USP46: variants seen among roughly 807,000 people sequenced by gnomAD.
USP46 encodes the protein ubiquitin carboxyl-terminal hydrolase 46.
In USP46, 12 loss-of-function variants were observed where a neutral mutation model predicts 44.4. The ratio of observed to expected loss-of-function variants is 0.27; its 90% confidence interval spans 0.17 to 0.44. USP46 has a LOEUF of 0.44. Ranked by LOEUF, USP46 falls within the 20% of genes least tolerant of loss-of-function variation. The probability of loss-of-function intolerance (pLI) is 1.00; values close to 1 mark genes in which losing one functional copy is unlikely to be tolerated. For missense variants in USP46, 248 were observed against 444.8 expected (o/e 0.56, Z 3.98); for synonymous variants, 155 against 161.5 (o/e 0.96, Z 0.31).
At chr4:52,658,971 C>T (rs1719065593) in intron 1 of USP46, 144 bp downstream of exon 1, 2 of 1,008,396 alleles carry the variant, frequency 2.0e-6, no homozygotes, top group Non-Finnish European at 2.6e-6. Context: ...CGGCCGCGCG[C>T]CCAGCTCGGG....
In USP46 at chr4:52,597,630, G is replaced by A; in HGVS notation, c.*10C>T. ...TCTCCCCACGTGAATCAGTCCCGCA[G>A]GTCTTTCAGTTACTCTCTTGACTGA... On this transcript the variant is annotated 3_prime_UTR_variant, in exon 9 of 9. Transcript: ENST00000441222. 1 of 1,547,870 alleles carries A rather than the reference G, an allele frequency of 6.5e-7. No individual in the cohort carries two copies. The highest frequency in any genetic ancestry group is 8.8e-7 in the Non-Finnish European group (1 of 1,136,016).
In USP46 at chr4:52,633,002, GAAA is replaced by G. The variant is rs1560406329; in HGVS notation, c.37-1861_37-1859del. 1.6e-3 allele frequency among the ~76,000 whole-genome samples: 187 copies of G among 117,056 alleles called. 3 individuals carry two copies. Among genetic ancestry groups the G allele is most frequent in the African/African-American group, 6.8e-3 (179 of 26,450 alleles). 76.8% of individuals were successfully genotyped at this position (117,056 alleles called of 152,430 possible). ...AAAGAAAGAAAAGAAAAGAAAGAAAGAAAGAAAGAAAGAAAGAAAGAAAGAAAA... is the reference window on the plus strand; with the variant it reads ...AAAGAAAGAAAAGAAAAGAAAGAAAGGAAAGAAAGAAAGAAAGAAAGAAAA... On this transcript the variant is annotated intron_variant, in intron 1 of 8. Coordinates refer to ENST00000441222, the MANE Select transcript of USP46 (RefSeq NM_022832.4).
intron 1 of USP46, among the ~76,000 whole-genome samples, chr4:52,637,780 T>C (rs867867594): frequency 6.6e-6 from 1 of 152,198 alleles, no homozygotes; most frequent in Non-Finnish European, 1.5e-5. Context: ...TGAATCTGCT[T>C]AAAATCCTCC....
chr4:52,613,447 G>T (rs1008142987), intron 4 of USP46, among the ~76,000 whole-genome samples: 1 of 152,118 alleles, frequency 6.6e-6, no homozygotes, highest in African/African-American at 2.4e-5. Flanking sequence ...AATCCGGCCG[G>T]GTGTGGTGAC....
intron 6 of USP46, among the ~76,000 whole-genome samples, chr4:52,602,803 G>T (rs1716529662): frequency 6.6e-6 from 1 of 152,124 alleles, no homozygotes; most frequent in Non-Finnish European, 1.5e-5. Flanking sequence ...CTGCAGTAAA[G>T]GAATTGTTCT....
At chr4:52,604,711 A>C (rs1408418116) in intron 5 of USP46, 127 bp from the exon 6 acceptor site, 16 of 642,266 alleles carry the variant, frequency 2.5e-5, no homozygotes, top group Non-Finnish European at 3.8e-5. Context: ...AATCAGAAAA[A>C]AATCCTACTT....
At chr4:52,645,525 G>A (rs1262286151) in intron 1 of USP46, among the ~76,000 whole-genome samples, 1 of 152,140 alleles carries the variant, frequency 6.6e-6, no homozygotes, top group Non-Finnish European at 1.5e-5. Flanking sequence ...GGAAGACAAG[G>A]AAATAGCCAC....
intron 1 of USP46, among the ~76,000 whole-genome samples, chr4:52,637,064 C>A (rs1483135959): frequency 6.6e-6 from 1 of 152,152 alleles, no homozygotes; most frequent in African/African-American, 2.4e-5. Context: ...CCCACCTTGG[C>A]CTCCCAAAGT....
chr4:52,634,745 A>G (rs1718048104), intron 1 of USP46, among the ~76,000 whole-genome samples: 1 of 151,970 alleles, frequency 6.6e-6, no homozygotes, highest in Admixed American at 6.6e-5. Flanking sequence ...CCTTTCTGAG[A>G]TCTATGCCTC....
intron 4 of USP46, among the ~76,000 whole-genome samples, chr4:52,613,240 C>T (rs2109611261): frequency 6.6e-6 from 1 of 152,226 alleles, no homozygotes; most frequent in Middle Eastern, 3.4e-3. Context: ...AGGGTATCTC[C>T]AACTCTCCCC....
intron 4 of USP46, among the ~76,000 whole-genome samples, chr4:52,616,320 TCTTTC>T (rs1002860618): frequency 3.9e-5 from 6 of 152,072 alleles, no homozygotes; most frequent in Admixed American, 2.6e-4. Context: ...CACTAAGAGA[TCTTTC>T]CTTTCCTTTC....
intron 7 of USP46, 76 bp downstream of exon 7, chr4:52,601,781 G>A (rs1716483212): frequency 1.4e-6 from 2 of 1,473,046 alleles, no homozygotes; most frequent in Non-Finnish European, 9.1e-7. Flanking sequence ...CCCAGGAAAG[G>A]TGCAGCTGGG....
intron 4 of USP46, among the ~76,000 whole-genome samples, chr4:52,612,072 G>A (rs1030715172): frequency 1.3e-5 from 2 of 152,182 alleles, no homozygotes; most frequent in African/African-American, 2.4e-5. Context: ...TTGTAAGGAG[G>A]AAATAAGATA....
At chr4:52,629,667 C>T (rs1461374540) in intron 2 of USP46, 2 of 456,172 alleles carry the variant, frequency 4.4e-6, no homozygotes, top group Admixed American at 4.7e-5. Flanking sequence ...ACGCTTGGCC[C>T]CAATTCAGTG....
intron 1 of USP46, among the ~76,000 whole-genome samples, chr4:52,658,596 T>C (rs1313016507): frequency 6.6e-6 from 1 of 152,210 alleles, no homozygotes; most frequent in Non-Finnish European, 1.5e-5. Context: ...AGCCACAATT[T>C]TGCACTTTTT....
chr4:52,656,428 T>TGGG, intron 1 of USP46: 1 of 145,914 alleles, frequency 6.9e-6, no homozygotes, highest in Non-Finnish European at 9.8e-6. Context: ...GGAGGGACAG[T>TGGG]GGGGGCGGTG....
chr4:52,642,505 G>A (rs1718385652), intron 1 of USP46, among the ~76,000 whole-genome samples: 1 of 152,178 alleles, frequency 6.6e-6, no homozygotes, highest in Non-Finnish European at 1.5e-5. Flanking sequence ...CCACAGAACT[G>A]AAAGAACTGA....
chr4:52,637,129 C>T (rs911933326), intron 1 of USP46, among the ~76,000 whole-genome samples: 3 of 152,194 alleles, frequency 2.0e-5, no homozygotes, highest in Admixed American at 2.0e-4. Context: ...AATCTTAAGA[C>T]TTGTCTCTAC....
intron 2 of USP46, chr4:52,629,493 C>A: frequency 4.8e-6 from 2 of 414,048 alleles, no homozygotes; most frequent in South Asian, 1.7e-5. Flanking sequence ...ACTCACTTCA[C>A]AGGGCTAAGC....
Sources: allele counts gnomAD v4.1 joint callset (sites outside exome capture counted in the v4.1 genomes callset), GRCh38; gene constraint gnomAD v4.1.1; transcripts MANE v1.5; gene names NCBI Gene and HGNC (gene_info 2026-07-23, HGNC 2026-07-21).